CCDC66: variants seen among roughly 807,000 people sequenced by gnomAD.
CCDC66 encodes the protein coiled-coil domain-containing protein 66.
Under a neutral mutation model 128.3 loss-of-function variants are expected in CCDC66, and 133 were observed. The observed-to-expected ratio is 1.04, with a 90% CI of 0.90 to 1.20. The LOEUF (loss-of-function observed/expected upper bound fraction) is 1.20, where lower values mean the gene tolerates loss of function less well. Ranked by LOEUF, CCDC66 falls within the 50% of genes most tolerant of loss-of-function variation. CCDC66 has a pLI of 0.00. For missense variants in CCDC66, 1,126 were observed against 1,075.5 expected (o/e 1.05, Z -0.66); for synonymous variants, 387 against 357.0 (o/e 1.08, Z -0.95).
At chr3:56,583,462 G>C (rs1378625405) in intron 7 of CCDC66, among the ~76,000 whole-genome samples, 1 of 151,906 alleles carries the variant, frequency 6.6e-6, no homozygotes, top group African/African-American at 2.4e-5. Flanking sequence ...CGCAGTGTTT[G>C]TGTCCCTGGG....
In CCDC66 at chr3:56,619,349, C is replaced by A. The variant is rs910627419; in HGVS notation, c.2457C>A (p.Asn819Lys). 6.2e-7 allele frequency: 1 copy of A among 1,613,446 alleles called. No homozygotes were observed. The highest frequency in any genetic ancestry group is 8.5e-7 in the Non-Finnish European group (1 of 1,179,686). ...ATACATTACATTTACCACTAAAAAA[C>A]AGTAGCTATGAGAGAGAGAATTTGA... Reference protein sequence around the residue: ...TQNTLHLPLKNSSYERENLIS... With the variant: ...TQNTLHLPLKKSSYERENLIS... Residue 819 changes from asparagine (N) to lysine (K), a missense_variant, in exon 16 of 18, where the codon AAC becomes AAA. Asn to Lys is a moderately conservative substitution (Grantham distance 94). Coordinates refer to ENST00000394672, the MANE Select transcript of CCDC66 (RefSeq NM_001141947.3).
At chr3:56,576,066 A>G (rs1256894559) in intron 7 of CCDC66, among the ~76,000 whole-genome samples, 1 of 151,688 alleles carries the variant, frequency 6.6e-6, no homozygotes, top group Non-Finnish European at 1.5e-5. Flanking sequence ...TGCAAAAAAA[A>G]AAGATTATTG....
intron 4 of CCDC66, among the ~76,000 whole-genome samples, chr3:56,564,362 G>GA (rs1398236045): frequency 2.0e-5 from 3 of 151,990 alleles, no homozygotes. Context: ...GTGGATTTTA[G>GA]AAAAAATGTT....
intron 7 of CCDC66, among the ~76,000 whole-genome samples, chr3:56,584,997 C>A (rs893286927): frequency 6.6e-6 from 1 of 151,286 alleles, no homozygotes; most frequent in South Asian, 2.1e-4. Context: ...CAGGCTGAGG[C>A]GGGAGAATCA....
Position 56,592,966 on chromosome 3 carries a change from T to G in CCDC66, c.937-4T>G. The G allele has an allele frequency of 6.2e-7, 1 of 1,603,742 alleles. No individual in the cohort carries two copies. Among genetic ancestry groups the G allele is most frequent in the Non-Finnish European group, 8.5e-7 (1 of 1,177,410 alleles). On this transcript the variant is annotated splice_region_variant and splice_polypyrimidine_tract_variant and intron_variant, in intron 7 of 17. Coordinates refer to ENST00000394672, the MANE Select transcript of CCDC66 (RefSeq NM_001141947.3). ...TTTAGATGGCTTTTATGGCTGTTGT[T>G]TAGGAAACAGTACTGCTGGAGCACC... is the stretch of plus-strand genomic sequence containing the variant.
chr3:56,571,907 G>T (rs1281154639), intron 7 of CCDC66, among the ~76,000 whole-genome samples: 1 of 151,172 alleles, frequency 6.6e-6, no homozygotes, highest in Admixed American at 6.6e-5. Flanking sequence ...TTTTTTTAGA[G>T]ACAGGGTCTC....
intron 17 of CCDC66, chr3:56,620,834 G>GT (rs987540874): frequency 1.6e-4 from 25 of 152,208 alleles, no homozygotes; most frequent in African/African-American, 5.8e-4. Flanking sequence ...AGCATCTAAG[G>GT]TAAGGTTAGG....
intron 10 of CCDC66, among the ~76,000 whole-genome samples, chr3:56,604,615 C>G (rs932742189): frequency 4.0e-5 from 6 of 151,742 alleles, no homozygotes; most frequent in African/African-American, 1.5e-4. Context: ...GGCCCCAACT[C>G]TCTCCTGGCT....
intron 10 of CCDC66, among the ~76,000 whole-genome samples, chr3:56,597,461 A>G (rs2072206757): frequency 1.3e-5 from 2 of 152,052 alleles, no homozygotes; most frequent in South Asian, 2.1e-4. Context: ...TAGAGATAGC[A>G]TTGAATTTGT....
At chr3:56,565,055 C>T (rs1197883826) in intron 4 of CCDC66, 1 of 262,444 alleles carries the variant, frequency 3.8e-6, no homozygotes, top group African/African-American at 2.3e-5. Context: ...ACTGGGAGAA[C>T]TAGCACATTC....
intron 13 of CCDC66, 181 bp from the exon 14 acceptor site, chr3:56,616,931 G>C (rs944466978): frequency 2.2e-6 from 1 of 453,552 alleles, no homozygotes; most frequent in African/African-American, 2.0e-5. Flanking sequence ...TTAGAGTGGT[G>C]GCTGCCAGTG....
intron 10 of CCDC66, among the ~76,000 whole-genome samples, chr3:56,608,995 A>G (rs2074441042): frequency 6.6e-6 from 1 of 152,162 alleles, no homozygotes; most frequent in Non-Finnish European, 1.5e-5. Flanking sequence ...CAGTTTTCTT[A>G]AATTTATTGA....
chr3:56,602,337 A>G (rs2073319837), intron 10 of CCDC66, among the ~76,000 whole-genome samples: 2 of 152,020 alleles, frequency 1.3e-5, no homozygotes, highest in African/African-American at 4.8e-5. Context: ...ATCGTGCTGG[A>G]TAAGCTTTTT....
intron 1 of CCDC66, among the ~76,000 whole-genome samples, chr3:56,558,495 C>T (rs2064671880): frequency 6.6e-6 from 1 of 152,110 alleles, no homozygotes; most frequent in Non-Finnish European, 1.5e-5. Flanking sequence ...TAATGAATGG[C>T]GGTTAAATAT....
chr3:56,620,986 A>G (rs1251087746), intron 17 of CCDC66: 1 of 137,744 alleles, frequency 7.3e-6, no homozygotes, highest in East Asian at 2.0e-4. Flanking sequence ...CCCTGTCTCT[A>G]CTAAAAATAC....
intron 9 of CCDC66, 31 bp downstream of exon 9, chr3:56,593,772 T>C (rs2071359436): frequency 1.2e-6 from 2 of 1,602,252 alleles, no homozygotes; most frequent in Non-Finnish European, 1.7e-6. Flanking sequence ...TTATTGACTT[T>C]TCAGAAAGTC....
intron 7 of CCDC66, 26 bp downstream of exon 7, chr3:56,571,328 A>T: frequency 7.0e-7 from 1 of 1,430,968 alleles, no homozygotes; most frequent in Non-Finnish European, 9.6e-7. Flanking sequence ...TGCAATTTTT[A>T]AAATACTAAG....
chr3:56,567,165 G>A (rs2065967974), intron 6 of CCDC66, 112 bp downstream of exon 6: 3 of 706,202 alleles, frequency 4.2e-6, no homozygotes, highest in Admixed American at 4.7e-5. Context: ...GCCGAGGTGG[G>A]TGGATCAGGA....
At chr3:56,595,501 T>C (rs534255592) in intron 10 of CCDC66, among the ~76,000 whole-genome samples, 65 of 152,370 alleles carry the variant, frequency 4.3e-4, no homozygotes, top group African/African-American at 1.5e-3. Flanking sequence ...ATGTGATGTT[T>C]ATCTTTATAT....
Sources: gnomAD v4.1 joint callset for allele counts (sites outside exome capture counted in the v4.1 genomes callset) on GRCh38, gnomAD v4.1.1 for gene constraint, MANE v1.5 for transcripts, NCBI Gene and HGNC (gene_info 2026-07-23, HGNC 2026-07-21) for gene names.